ZUP1: variants seen among roughly 807,000 people sequenced by gnomAD.
ZUP1 encodes the protein zinc finger-containing ubiquitin peptidase 1.
ZUP1 carries 55 observed loss-of-function variants against 68.1 expected under a neutral mutation model. The ratio of observed to expected loss-of-function variants is 0.81; its 90% CI spans 0.65 to 1.01. ZUP1 has a LOEUF of 1.01. Among genes scored for constraint, ZUP1 ranks in the 50% least tolerant of loss-of-function variants. The probability of loss-of-function intolerance (pLI) is 0.00; values close to 1 mark genes in which losing one functional copy is unlikely to be tolerated. For missense variants in ZUP1, 684 were observed against 674.9 expected, an observed-to-expected ratio of 1.01 and a Z score of -0.15; for synonymous variants, 223 against 221.5, an observed-to-expected ratio of 1.01 and a Z score of -0.06.
At chr6:116,653,078 T>C (rs1204017571) in intron 5 of ZUP1, among the ~76,000 whole-genome samples, 1 of 152,062 alleles carries the variant, frequency 6.6e-6, no homozygotes, top group African/African-American at 2.4e-5. Context: ...TCCTTTAAAA[T>C]GTCATCGACC....
At chr6:116,647,153 T>C (rs1399062901) in intron 8 of ZUP1, among the ~76,000 whole-genome samples, 9 of 152,162 alleles carry the variant, frequency 5.9e-5, no homozygotes, top group Admixed American at 3.3e-4. Flanking sequence ...CTCCCTGCTA[T>C]TATCAGACCA....
intron 9 of ZUP1, among the ~76,000 whole-genome samples, chr6:116,643,855 C>G (rs1465261159): frequency 6.6e-6 from 1 of 152,070 alleles, no homozygotes; most frequent in Non-Finnish European, 1.5e-5. Context: ...AATTAAACTA[C>G]AGAGCTTCTG....
chr6:116,659,810 T>G (rs1332745780), intron 3 of ZUP1, among the ~76,000 whole-genome samples: 1 of 152,162 alleles, frequency 6.6e-6, no homozygotes, highest in Non-Finnish European at 1.5e-5. Context: ...CTTAACCCCA[T>G]GACCTGATGG....
At chr6:116,642,247 T>C (rs1298762174) in intron 9 of ZUP1, among the ~76,000 whole-genome samples, 1 of 152,232 alleles carries the variant, frequency 6.6e-6, no homozygotes, top group Non-Finnish European at 1.5e-5. Flanking sequence ...AGCCGAATTC[T>C]ACCAGAGGTA....
intron 7 of ZUP1, among the ~76,000 whole-genome samples, chr6:116,649,146 TACATACAC>T (rs1357361424): frequency 2.0e-5 from 3 of 152,166 alleles, no homozygotes; most frequent in Non-Finnish European, 4.4e-5. Context: ...AAAGTTATTA[TACATACAC>T]ACAACATTAG....
rs1169033519 is a variant in ZUP1 at position 116,646,013 on chromosome 6, GATC to G, written c.1469-82_1469-80del. On this transcript the variant is annotated intron_variant, in intron 8 of 9. Coordinates refer to ENST00000368576, the MANE Select transcript of ZUP1 (RefSeq NM_145062.3). ...AATAGTCTCTGTATGTATGTTGTGT[GATC>G]ATATGTGTGTTTAGAATATAAATAC... 9.7e-5 allele frequency: 94 copies of G among 972,698 alleles called. 2 individuals carry two copies. In the South Asian group the frequency reaches 1.2e-3, roughly 12 times the overall value. The allele number at this position is 972,698 out of a possible 1,614,324, so 60.3% of individuals were successfully genotyped here.
intron 9 of ZUP1, among the ~76,000 whole-genome samples, chr6:116,641,487 G>C (rs1469158219): frequency 6.6e-6 from 1 of 151,812 alleles, no homozygotes; most frequent in African/African-American, 2.4e-5. Context: ...ATAACAAACT[G>C]TCTCTCAGAC....
chr6:116,654,122 C>T (rs1160902072), intron 5 of ZUP1, among the ~76,000 whole-genome samples: 2 of 151,934 alleles, frequency 1.3e-5, no homozygotes, highest in African/African-American at 4.8e-5. Flanking sequence ...TTTTTACAGA[C>T]ATATTTAATA....
chr6:116,653,356 CTTA>C (rs1461090237), intron 5 of ZUP1, among the ~76,000 whole-genome samples: 1 of 151,996 alleles, frequency 6.6e-6, no homozygotes, highest in Non-Finnish European at 1.5e-5. Flanking sequence ...GTAGGGAGAT[CTTA>C]TTATATGCCC....
At chr6:116,638,518 C>G (rs756824351) in intron 9 of ZUP1, among the ~76,000 whole-genome samples, 12 of 152,096 alleles carry the variant, frequency 7.9e-5, no homozygotes, top group Non-Finnish European at 1.6e-4. Flanking sequence ...CCAATAAGCC[C>G]AAGTGCATAA....
intron 9 of ZUP1, among the ~76,000 whole-genome samples, chr6:116,636,391 A>C (rs1775910945): frequency 6.6e-6 from 1 of 152,200 alleles, no homozygotes; most frequent in South Asian, 2.1e-4. Context: ...ACGATGGAAA[A>C]TTTACGAATA....
At chr6:116,656,625 T>C (rs893046637) in intron 5 of ZUP1, 59 bp downstream of exon 5, 1 of 1,319,114 alleles carries the variant, frequency 7.6e-7, no homozygotes, top group African/African-American at 1.5e-5. Flanking sequence ...ATGATTCTGA[T>C]TATTACTTCA....
At chr6:116,649,795 A>T (rs757300614) in intron 7 of ZUP1, among the ~76,000 whole-genome samples, 3 of 152,208 alleles carry the variant, frequency 2.0e-5, no homozygotes, top group African/African-American at 4.8e-5. Context: ...GTGCAGTCCT[A>T]CAGCACTCTA....
At chr6:116,657,960 G>A (rs1776719291) in intron 4 of ZUP1, among the ~76,000 whole-genome samples, 1 of 152,164 alleles carries the variant, frequency 6.6e-6, no homozygotes, top group Admixed American at 6.5e-5. Flanking sequence ...AGGCATGGTG[G>A]TGCACACCTG....
chr6:116,649,715 C>T (rs1437956836), intron 7 of ZUP1, among the ~76,000 whole-genome samples: 1 of 152,154 alleles, frequency 6.6e-6, no homozygotes, highest in Non-Finnish European at 1.5e-5. Flanking sequence ...TTTGAGAGTT[C>T]CCCAACCAAA....
chr6:116,658,948 G>A, intron 3 of ZUP1, 24 bp from the exon 4 acceptor site: 1 of 1,569,422 alleles, frequency 6.4e-7, no homozygotes, highest in Non-Finnish European at 8.6e-7. Flanking sequence ...TTAATGTTCA[G>A]AATAAAATAA....
intron 9 of ZUP1, among the ~76,000 whole-genome samples, chr6:116,638,938 G>A (rs978967192): frequency 1.3e-5 from 2 of 152,324 alleles, no homozygotes; most frequent in African/African-American, 2.4e-5. Flanking sequence ...CCTGGTCAAG[G>A]AAAGGGGTGA....
chr6:116,659,327 G>A (rs1381711949), intron 3 of ZUP1, among the ~76,000 whole-genome samples: 1 of 151,884 alleles, frequency 6.6e-6, no homozygotes, highest in East Asian at 1.9e-4. Flanking sequence ...ATGGAGTTTC[G>A]CCATGTTGGT....
chr6:116,652,369 T>C lies in ZUP1; in HGVS notation c.962-177A>G, dbSNP rs183114126. 1.8e-3 allele frequency among the ~76,000 whole-genome samples: 279 copies of C among 152,280 alleles called. 2 individuals carry two copies. The highest frequency in any genetic ancestry group is 6.3e-3 in the African/African-American group (260 of 41,582). ...TCCTTGCTTGTTACTACAGTCCAAGTTTCCTAACACTAGCATATTATTTAT... is the reference window on the plus strand; with the variant it reads ...TCCTTGCTTGTTACTACAGTCCAAGCTTCCTAACACTAGCATATTATTTAT... On this transcript the variant is annotated intron_variant, in intron 5 of 9. Transcript: ENST00000368576.
Sources: gnomAD v4.1 joint callset for allele counts (sites outside exome capture counted in the v4.1 genomes callset) on GRCh38, gnomAD v4.1.1 for gene constraint, MANE v1.5 for transcripts, NCBI Gene and HGNC (gene_info 2026-07-23, HGNC 2026-07-21) for gene names.